DNMT3A: variants seen among roughly 807,000 people sequenced by gnomAD.
DNMT3A encodes DNA (cytosine-5)-methyltransferase 3A.
DNMT3A carries 267 observed loss-of-function variants against 117.6 expected under a neutral mutation model. The ratio of observed to expected loss-of-function variants is 2.27; its 90% CI spans 2.05 to 2.51. DNMT3A has a LOEUF of 2.51. Among genes scored for constraint, DNMT3A ranks in the 30% most tolerant of loss-of-function variants. The pLI, the probability that DNMT3A is intolerant of heterozygous loss-of-function variation, is 0.00. For synonymous variants in DNMT3A, 432 were observed against 474.8 expected, an observed-to-expected ratio of 0.91 and a Z score of 1.17; for missense variants, 1,029 against 1,260.2, an observed-to-expected ratio of 0.82 and a Z score of 2.78.
In DNMT3A at chr2:25,339,432, C is replaced by T. The variant is rs993772963; in HGVS notation, c.-178+2394G>A. 2.0e-5 allele frequency among the ~76,000 whole-genome samples: 3 copies of T among 152,178 alleles called. No homozygotes were observed. Among genetic ancestry groups the T allele is most frequent in the Non-Finnish European group, 4.4e-5 (3 of 68,028 alleles). ...AGTCTCCTATGGAAGGCACTGGTGCCTGGGTGGGGTAACGAGGGAAGTTTG... is the reference window on the plus strand; with the variant it reads ...AGTCTCCTATGGAAGGCACTGGTGCTTGGGTGGGGTAACGAGGGAAGTTTG... On this transcript the variant is annotated intron_variant, in intron 1 of 22. Coordinates refer to ENST00000321117, the MANE Select transcript of DNMT3A (RefSeq NM_022552.5). This position sits in a 1 kb window ranked among gnomAD's most constrained non-coding sequence, Gnocchi z 4.9.
intron 2 of DNMT3A, among the ~76,000 whole-genome samples, chr2:25,302,656 C>G (rs1188249619): frequency 6.6e-6 from 1 of 152,212 alleles, no homozygotes; most frequent in Non-Finnish European, 1.5e-5. Flanking sequence ...AGGCCTGCTG[C>G]TTCTGAACCA....
In DNMT3A at chr2:25,302,757, A is replaced by G. The variant is rs58692492; in HGVS notation, c.73-2514T>C. 5.3e-3 allele frequency among the ~76,000 whole-genome samples: 748 copies of G among 140,562 alleles called. 6 individuals carry two copies. Among genetic ancestry groups the G allele is most frequent in the African/African-American group, 0.019 (718 of 37,624 alleles). The allele number at this position is 140,562 out of a possible 152,430, so 92.2% of individuals were successfully genotyped here. A position where few individuals can be genotyped will look rare whatever the true frequency, so the allele number is the denominator to read the frequency against. On this transcript the variant is annotated intron_variant, in intron 2 of 22. Transcript: ENST00000321117. ...CAGCTTAGTATTTGTGAAGGTTCTG[A>G]TTGGATCTACACAACTGCTAAGAAT...
At chr2:25,314,535 G>A in intron 1 of DNMT3A, 2 of 976,258 alleles carry the variant, frequency 2.0e-6, no homozygotes, top group Non-Finnish European at 2.4e-6. Context: ...GCCTCCCCCA[G>A]AGGCCCCTAG....
At chr2:25,268,387 G>A (rs1227796291) in intron 6 of DNMT3A, among the ~76,000 whole-genome samples, 3 of 152,130 alleles carry the variant, frequency 2.0e-5, no homozygotes, top group Non-Finnish European at 4.4e-5. Flanking sequence ...ACCACCAGCC[G>A]CGACACAAAC....
Position 25,241,624 on chromosome 2 carries a change from TGCCC to T in DNMT3A, c.2016_2019del (p.Gly673TrpfsTer31). On this transcript the variant is annotated frameshift_variant, in exon 17 of 23. Transcript: ENST00000321117. LOFTEE classifies it high-confidence loss of function. The stretch of plus-strand genomic sequence containing the variant: ...ATGATCTTCCCCTGGTGCCGCACCA[TGCCC>T]ACCGTGATGGAGTCCTCACACACCT... 6.2e-7 allele frequency: 1 copy of T among 1,614,186 alleles called. No homozygotes were observed. Among genetic ancestry groups the T allele is most frequent in the Non-Finnish European group, 8.5e-7 (1 of 1,180,018 alleles).
At position 25,236,857 on chromosome 2, in the gene DNMT3A, G is replaced by C. The variant is rs1673420794; in HGVS notation, c.2478+79C>G. Reference sequence around the variant, plus strand: ...CTAGCTGGAGAAGCAGGCGGGACAAGGCCCTGGCCACCGCTCCACCTCATC... The same window carrying C: ...CTAGCTGGAGAAGCAGGCGGGACAACGCCCTGGCCACCGCTCCACCTCATC... On this transcript the variant is annotated intron_variant, in intron 21 of 22. Coordinates refer to ENST00000321117, the MANE Select transcript of DNMT3A (RefSeq NM_022552.5). The surrounding 1 kb of genome is among the most constrained non-coding windows in gnomAD (Gnocchi z 4.5). 2 of 1,447,708 alleles carry C rather than the reference G, an allele frequency of 1.4e-6. No homozygotes were observed. Among genetic ancestry groups the C allele is most frequent in the African/African-American group, 2.8e-5 (2 of 71,546 alleles). 89.7% of individuals were successfully genotyped at this position (1,447,708 alleles called of 1,614,324 possible).
At chr2:25,246,821 A>G (rs1573337051) in intron 9 of DNMT3A, 45 bp from the exon 10 acceptor site, 2 of 1,603,084 alleles carry the variant, frequency 1.2e-6, no homozygotes, top group Non-Finnish European at 1.7e-6. Context: ...GACAGGCTGG[A>G]AGGCAGATGG....
chr2:25,248,247 C>T lies in DNMT3A; in HGVS notation c.645G>A (p.Glu215=), dbSNP rs587778238. ...EWLARWKREA[E]KKAKVIAGMN... ...TTCCTGCAATGACCTTGGCTTTCTT[C>T]TCAGCCTGGGGAAACAAAAAACAAA... The change falls in exon 7 of 23, where the codon GAG becomes GAA. Residue 215 remains glutamate (E), a synonymous_variant. Transcript: ENST00000321117. 2 of 1,611,834 alleles carry T rather than the reference C, an allele frequency of 1.2e-6. No individual in the cohort carries two copies. Among genetic ancestry groups the T allele is most frequent in the South Asian group, 1.1e-5 (1 of 90,642 alleles).
chr2:25,240,712 A>C lies in DNMT3A; in HGVS notation c.2101T>G (p.Phe701Val), dbSNP rs760042734. 6.2e-7 allele frequency: 1 copy of C among 1,614,170 alleles called. No homozygotes were observed. The highest frequency in any genetic ancestry group is 1.1e-5 in the South Asian group (1 of 91,080). The change falls in exon 18 of 23, where the codon TTC becomes GTC. Residue 701 changes from phenylalanine (F) to valine (V), a missense_variant. Coordinates refer to ENST00000321117, the MANE Select transcript of DNMT3A (RefSeq NM_022552.5). ...TQKHIQEWGP[F>V]DLVIGGSPCN... ...GGACTGCCCCCAATCACCAGATCGA[A>C]TGGGCCCCACTCCTGGATCTGGGAG...
chr2:25,287,250 G>A (rs1035730277), intron 3 of DNMT3A, among the ~76,000 whole-genome samples: 12 of 151,968 alleles, frequency 7.9e-5, no homozygotes, highest in Admixed American at 7.2e-4. Flanking sequence ...ACCAGCAGGT[G>A]CAGCTGCAGG....
intron 19 of DNMT3A, 28 bp downstream of exon 19, chr2:25,240,274 C>G: frequency 6.2e-7 from 1 of 1,613,852 alleles, no homozygotes; most frequent in Non-Finnish European, 8.5e-7. Context: ...CATTAGTGAG[C>G]TGGCCAAACC....
chr2:25,258,730 A>G (rs1191563732), intron 6 of DNMT3A, among the ~76,000 whole-genome samples: 1 of 152,172 alleles, frequency 6.6e-6, no homozygotes, highest in Non-Finnish European at 1.5e-5. Flanking sequence ...AAGATGAAAG[A>G]GCGGAAACTA....
At chr2:25,250,449 G>A (rs1675375285) in intron 6 of DNMT3A, among the ~76,000 whole-genome samples, 1 of 152,216 alleles carries the variant, frequency 6.6e-6, no homozygotes, top group Admixed American at 6.5e-5. Flanking sequence ...GGCGGAATGA[G>A]CTCACGGATC....
intron 6 of DNMT3A, among the ~76,000 whole-genome samples, chr2:25,263,107 T>A (rs939600430): frequency 6.6e-6 from 1 of 152,162 alleles, no homozygotes; most frequent in African/African-American, 2.4e-5. Context: ...GCTAATTAAA[T>A]ATTTTTTTTG....
chr2:25,314,910 G>A (rs890156545), intron 1 of DNMT3A, among the ~76,000 whole-genome samples: 1 of 152,238 alleles, frequency 6.6e-6, no homozygotes, highest in Admixed American at 6.5e-5. Flanking sequence ...TGCTCCAGGT[G>A]TAGGCCTCAA....
intron 4 of DNMT3A, among the ~76,000 whole-genome samples, chr2:25,276,751 G>GT (rs1209174681): frequency 2.0e-5 from 3 of 152,264 alleles, no homozygotes; most frequent in Admixed American, 6.5e-5. Flanking sequence ...AACCGACAGC[G>GT]TATCGGGCCT....
chr2:25,270,651 G>A (rs1473496527), intron 6 of DNMT3A, among the ~76,000 whole-genome samples: 1 of 151,850 alleles, frequency 6.6e-6, no homozygotes, highest in East Asian at 1.9e-4. Context: ...GGGGTCAGTG[G>A]ATCAACACTG....
intron 3 of DNMT3A, among the ~76,000 whole-genome samples, chr2:25,288,541 ACT>A (rs2032499655): frequency 6.6e-6 from 1 of 151,416 alleles, no homozygotes; most frequent in Admixed American, 6.6e-5. Flanking sequence ...TGAACTTCTG[ACT>A]TCATGATCCA....
Position 25,281,592 on chromosome 2 carries a change from A to C in DNMT3A, c.448+849T>G, listed in dbSNP as rs2031890129. On this transcript the variant is annotated intron_variant, in intron 4 of 22. Transcript: ENST00000321117. This position sits in a 1 kb window ranked among gnomAD's most constrained non-coding sequence, Gnocchi z 4.8. ...TGGAAGGAAGACTTTTTGAAATTAA[A>C]ATGCACATATGCAAAACAACCTGGC... 9.4e-7 allele frequency: 1 copy of C among 1,064,060 alleles called. No individual in the cohort carries two copies. Among genetic ancestry groups the C allele is most frequent in the East Asian group, 5.0e-5 (1 of 20,046 alleles). The allele number at this position is 1,064,060 out of a possible 1,614,324, so 65.9% of individuals were successfully genotyped here.
Sources: allele counts gnomAD v4.1 joint callset (sites outside exome capture counted in the v4.1 genomes callset), GRCh38; gene constraint gnomAD v4.1.1; non-coding constraint Gnocchi (gnomAD v3.1); transcripts MANE v1.5; gene names NCBI Gene and HGNC (gene_info 2026-07-23, HGNC 2026-07-21).